ALLC: variants seen among roughly 807,000 people sequenced by gnomAD.
ALLC encodes probable inactive allantoicase.
A neutral mutation model predicts 45.0 loss-of-function variants in ALLC; 40 were observed. The ratio of observed to expected loss-of-function variants is 0.89; its 90% CI spans 0.69 to 1.16. ALLC has a LOEUF of 1.16. ALLC is among the 50% of genes most tolerant of loss of function. ALLC has a pLI of 0.00. For synonymous variants in ALLC, 176 were observed against 178.1 expected (o/e 0.99, Z 0.09); for missense variants, 488 against 493.1 (o/e 0.99, Z 0.10).
intron 1 of ALLC, among the ~76,000 whole-genome samples, chr2:3,658,701 C>G (rs527845517): frequency 6.6e-6 from 1 of 152,062 alleles, no homozygotes; most frequent in South Asian, 2.1e-4. Flanking sequence ...GACCCCATTT[C>G]TACCAAAAAT....
rs758810967 is a variant in ALLC at position 3,697,366 on chromosome 2, CTCT to C, written c.762_764del (p.Leu255del). The C allele has an allele frequency of 6.2e-7, 1 of 1,613,818 alleles. No homozygotes were observed. Among genetic ancestry groups the C allele is most frequent in the Non-Finnish European group, 8.5e-7 (1 of 1,179,776 alleles). The stretch of plus-strand genomic sequence containing the variant: ...ATTCCAGAATGATGAGAATGGCATT[CTCT>C]TGGTTCCGGGTTGTGAATGGGCAGT... On this transcript the variant is annotated inframe_deletion, in exon 10 of 12. Transcript: ENST00000252505.
chr2:3,660,685 T>C (rs1486887249), intron 1 of ALLC, among the ~76,000 whole-genome samples: 1 of 152,136 alleles, frequency 6.6e-6, no homozygotes, highest in African/African-American at 2.4e-5. Context: ...CATTCCCCTA[T>C]TGGCTAGGGT....
At chr2:3,672,241 C>T (rs1238855458) in intron 2 of ALLC, among the ~76,000 whole-genome samples, 6 of 116,262 alleles carry the variant, frequency 5.2e-5, no homozygotes, top group African/African-American at 1.4e-4. Context: ...GGTCCTCTGG[C>T]TCTGGTTAGA....
chr2:3,674,157 G>T (rs773321980), intron 3 of ALLC, 32 bp downstream of exon 3: 11 of 1,480,958 alleles, frequency 7.4e-6, no homozygotes, highest in Middle Eastern at 1.8e-4. Context: ...CAATGTAAAG[G>T]GTTGATGTAG....
the ALLC span, among the ~76,000 whole-genome samples, chr2:3,650,671 T>G: frequency 6.6e-6 from 1 of 152,124 alleles, no homozygotes; most frequent in African/African-American, 2.4e-5. Context: ...TGGGGCTCAG[T>G]TTACTCCCAT....
chr2:3,647,074 C>G, the ALLC span, among the ~76,000 whole-genome samples: 1 of 152,124 alleles, frequency 6.6e-6, no homozygotes, highest in Non-Finnish European at 1.5e-5. Context: ...CACCCCTCAT[C>G]CCCCCATTGC....
intron 7 of ALLC, among the ~76,000 whole-genome samples, chr2:3,693,477 T>C (rs996620923): frequency 2.6e-5 from 4 of 152,228 alleles, no homozygotes; most frequent in African/African-American, 9.6e-5. Flanking sequence ...TAATTTAACA[T>C]ACACTGTGGA....
chr2:3,662,860 G>A (rs1666607424), intron 1 of ALLC, among the ~76,000 whole-genome samples: 1 of 152,198 alleles, frequency 6.6e-6, no homozygotes, highest in Non-Finnish European at 1.5e-5. Context: ...AAGCTGCTTT[G>A]TGTTGCAGTG....
At chr2:3,685,082 A>C (rs1667292497) in intron 7 of ALLC, among the ~76,000 whole-genome samples, 1 of 152,222 alleles carries the variant, frequency 6.6e-6, no homozygotes, top group Admixed American at 6.5e-5. Flanking sequence ...TATACACAGT[A>C]GTGAGATTGC....
At chr2:3,657,862 T>G (rs542771642), upstream of ALLC, among the ~76,000 whole-genome samples, 10 of 152,374 alleles carry the variant, frequency 6.6e-5, no homozygotes, top group African/African-American at 2.2e-4. Context: ...GACCCACTGC[T>G]GGGTGTGCTC....
chr2:3,681,750 A>G (rs936972201), intron 6 of ALLC, 37 bp downstream of exon 6: 11 of 1,531,738 alleles, frequency 7.2e-6, no homozygotes, highest in Middle Eastern at 1.7e-4. Flanking sequence ...CTTGTCACCA[A>G]TTATTAGGAG....
intron 10 of ALLC, among the ~76,000 whole-genome samples, chr2:3,698,619 C>T (rs4849920): frequency 0.091 from 13,890 of 152,230 alleles, 678 homozygotes; most frequent in African/African-American, 0.12. Context: ...ATTATTAAGA[C>T]AATTCAAAAG....
At position 3,679,903 on chromosome 2, in the gene ALLC, A is replaced by C. The variant is rs531961261; in HGVS notation, c.207A>C (p.Gln69His). Residue 69 changes from glutamine to histidine, a missense_variant, in exon 5 of 12, where the codon CAA (glutamine) becomes CAC (histidine). Physicochemically the swap from Gln to His is conservative, Grantham distance 24 (BLOSUM62 0). Transcript: ENST00000252505. ...GGTGTGTCCTCAGGCTGGGGATCCA[A>C]GGAGTCATCCGGGGCTTCGACGTGG... ...HDWCVLRLGI[Q>H]GVIRGFDVDV... The C allele has an allele frequency of 6.2e-7, 1 of 1,613,980 alleles. No individual in the cohort carries two copies. Among genetic ancestry groups the C allele is most frequent in the East Asian group, 2.2e-5 (1 of 44,870 alleles).
intron 10 of ALLC, among the ~76,000 whole-genome samples, chr2:3,700,304 T>C (rs1331324298): frequency 6.6e-6 from 1 of 152,220 alleles, no homozygotes; most frequent in African/African-American, 2.4e-5. Flanking sequence ...TAGATCTGGT[T>C]ATGTGGCCAT....
chr2:3,702,369 C>G lies in ALLC; in HGVS notation c.982C>G (p.Pro328Ala). The stretch of plus-strand genomic sequence containing the variant: ...GCATCTGCTTGCTTTTCAGTTGTCT[C>G]CCAACCAAAGTCATCTGTTCGATAG... The part of the protein sequence containing the change: ...KPLLPVTKLS[P>A]NQSHLFDSLT... The change falls in exon 12 of 12, where the codon CCC becomes GCC. Residue 328 changes from proline to alanine, a missense_variant. Pro to Ala is a conservative substitution (Grantham distance 27, BLOSUM62 -1). Coordinates refer to ENST00000252505, the MANE Select transcript of ALLC (RefSeq NM_018436.4). 3 of 1,612,936 alleles carry G rather than the reference C, an allele frequency of 1.9e-6. No homozygotes were observed. The highest frequency in any genetic ancestry group is 2.5e-6 in the Non-Finnish European group (3 of 1,179,676).
intron 7 of ALLC, among the ~76,000 whole-genome samples, chr2:3,689,514 C>A (rs1667417091): frequency 6.6e-6 from 1 of 150,930 alleles, no homozygotes; most frequent in Admixed American, 6.6e-5. Context: ...TGTGTATTTT[C>A]CAATGTGTCT....
intron 7 of ALLC, among the ~76,000 whole-genome samples, chr2:3,694,362 G>C (rs370426747): frequency 6.6e-6 from 1 of 152,212 alleles, no homozygotes; most frequent in African/African-American, 2.4e-5. Flanking sequence ...CAGGTGTAAA[G>C]GGAAAGGAAG....
At chr2:3,647,966 C>T in the ALLC span, among the ~76,000 whole-genome samples, 2 of 152,118 alleles carry the variant, frequency 1.3e-5, no homozygotes, top group African/African-American at 4.8e-5. Context: ...AATCCAATGC[C>T]AAGTCTGGGC....
chr2:3,658,876 CAAAAAA>C (rs566003324), intron 1 of ALLC, among the ~76,000 whole-genome samples: 2 of 69,116 alleles, frequency 2.9e-5, no homozygotes, highest in Non-Finnish European at 6.2e-5. Flanking sequence ...GACCCTGTCT[CAAAAAA>C]AAAAAAAAAA....
Sources: gnomAD v4.1 joint callset for allele counts (sites outside exome capture counted in the v4.1 genomes callset) on GRCh38, gnomAD v4.1.1 for gene constraint, MANE v1.5 for transcripts, NCBI Gene and HGNC (gene_info 2026-07-23, HGNC 2026-07-21) for gene names.